The following NCAM2 variants were observed in gnomAD, a reference collection of about 807,000 sequenced individuals.
NCAM2 encodes N-CAM-2.
NCAM2 carries 30 observed loss-of-function variants against 98.1 expected under a neutral mutation model. The observed-to-expected ratio is 0.31, with a 90% CI of 0.23 to 0.41. The LOEUF (loss-of-function observed/expected upper bound fraction) is 0.41. Among genes scored for constraint, NCAM2 ranks in the 10% least tolerant of loss-of-function variants. NCAM2 has a pLI of 1.00. For synonymous variants in NCAM2, 368 were observed against 342.4 expected, an observed-to-expected ratio of 1.07 and a Z score of -0.83; for missense variants, 867 against 1,005.8, an observed-to-expected ratio of 0.86 and a Z score of 1.87.
At chr21:21,273,642 A>G (rs1568869014) in intron 1 of NCAM2, among the ~76,000 whole-genome samples, 1 of 152,172 alleles carries the variant, frequency 6.6e-6, no homozygotes, top group Non-Finnish European at 1.5e-5. Flanking sequence ...AGAATAAAAA[A>G]CAAAGAAAGA....
At chr21:21,120,727 T>TTG (rs2066655377) in intron 1 of NCAM2, among the ~76,000 whole-genome samples, 1 of 150,834 alleles carries the variant, frequency 6.6e-6, no homozygotes, top group South Asian at 2.1e-4. Flanking sequence ...GGGTTTTTTT[T>TTG]TTTTTTCTTT....
chr21:21,493,843 G>A (rs897451085), intron 15 of NCAM2, among the ~76,000 whole-genome samples: 4 of 151,814 alleles, frequency 2.6e-5, no homozygotes, highest in East Asian at 3.9e-4. Context: ...CTTTCAATTA[G>A]CAACATGCAT....
intron 8 of NCAM2, among the ~76,000 whole-genome samples, chr21:21,343,184 T>C (rs1432492206): frequency 6.6e-6 from 1 of 152,152 alleles, no homozygotes; most frequent in Non-Finnish European, 1.5e-5. Flanking sequence ...TTTGTTAAAA[T>C]ACATATATGT....
At chr21:21,524,547 TGGG>T (rs1989217662) in intron 16 of NCAM2, among the ~76,000 whole-genome samples, 1 of 145,334 alleles carries the variant, frequency 6.9e-6, no homozygotes, top group Middle Eastern at 3.6e-3. Context: ...AAAGGGGGTG[TGGG>T]GGGAGAATAC....
intron 1 of NCAM2, among the ~76,000 whole-genome samples, chr21:21,031,809 T>TACAC (rs67929765): frequency 4.1e-4 from 62 of 151,266 alleles, no homozygotes; most frequent in African/African-American, 1.3e-3. Flanking sequence ...CACACTCTTA[T>TACAC]ACACACACAC....
At chr21:21,261,348 A>G (rs924627410) in intron 1 of NCAM2, among the ~76,000 whole-genome samples, 2 of 152,178 alleles carry the variant, frequency 1.3e-5, no homozygotes, top group Non-Finnish European at 2.9e-5. Context: ...AAATGTACCT[A>G]ATAGATATCT....
chr21:21,337,856 C>G (rs2074916871), intron 7 of NCAM2, among the ~76,000 whole-genome samples: 1 of 151,778 alleles, frequency 6.6e-6, no homozygotes, highest in Non-Finnish European at 1.5e-5. Context: ...GTAAATGTTT[C>G]AAAATTTTAT....
intron 1 of NCAM2, among the ~76,000 whole-genome samples, chr21:21,057,771 C>T (rs1283323573): frequency 2.6e-5 from 4 of 152,062 alleles, no homozygotes; most frequent in Non-Finnish European, 4.4e-5. Context: ...CTAGCTAAAA[C>T]GGGATATCAT....
chr21:21,411,125 C>T (rs368883754), intron 10 of NCAM2, among the ~76,000 whole-genome samples: 351 of 24,076 alleles, frequency 0.015, 3 homozygotes, highest in African/African-American at 0.021. Flanking sequence ...TATATATATA[C>T]ACATATATAT....
intron 1 of NCAM2, among the ~76,000 whole-genome samples, chr21:21,262,208 G>C (rs1403153723): frequency 6.6e-6 from 1 of 152,102 alleles, no homozygotes; most frequent in Non-Finnish European, 1.5e-5. Context: ...ACTTGAATCA[G>C]TAATAAATAA....
intron 9 of NCAM2, among the ~76,000 whole-genome samples, chr21:21,396,444 A>T (rs2076508706): frequency 6.6e-6 from 1 of 152,176 alleles, no homozygotes; most frequent in Non-Finnish European, 1.5e-5. Context: ...GGATCTTTAC[A>T]GTGTCACTTT....
intron 5 of NCAM2, among the ~76,000 whole-genome samples, chr21:21,318,107 C>T (rs2074272090): frequency 6.6e-6 from 1 of 151,968 alleles, no homozygotes; most frequent in Non-Finnish European, 1.5e-5. Flanking sequence ...AAGGGGTGAC[C>T]CAAGAGAGTT....
chr21:21,192,274 G>A (rs750731125), intron 1 of NCAM2, among the ~76,000 whole-genome samples: 21 of 151,844 alleles, frequency 1.4e-4, no homozygotes, highest in Non-Finnish European at 3.1e-4. Context: ...GATGAGAGGA[G>A]AAGAAGCAAA....
At chr21:21,063,919 T>G (rs2065377662) in intron 1 of NCAM2, among the ~76,000 whole-genome samples, 1 of 152,210 alleles carries the variant, frequency 6.6e-6, no homozygotes, top group Non-Finnish European at 1.5e-5. Flanking sequence ...CATGTGATAT[T>G]TGCACACATA....
At chr21:21,510,168 T>G (rs186144087) in intron 16 of NCAM2, among the ~76,000 whole-genome samples, 154 of 152,274 alleles carry the variant, frequency 1.0e-3, no homozygotes, top group African/African-American at 3.6e-3. Context: ...TATCATTACA[T>G]ACAGTCTAAA....
At chr21:21,141,486 T>C (rs571568777) in intron 1 of NCAM2, among the ~76,000 whole-genome samples, 1 of 152,246 alleles carries the variant, frequency 6.6e-6, no homozygotes, top group African/African-American at 2.4e-5. Flanking sequence ...AAAGGCAGAA[T>C]AAATGTTGGA....
chr21:21,035,956 A>T (rs2064789093), intron 1 of NCAM2, among the ~76,000 whole-genome samples: 1 of 152,216 alleles, frequency 6.6e-6, no homozygotes, highest in Admixed American at 6.5e-5. Context: ...TAACCTATCC[A>T]TACAAATATA....
intron 14 of NCAM2, among the ~76,000 whole-genome samples, chr21:21,474,807 A>T (rs1044620614): frequency 6.6e-6 from 1 of 151,992 alleles, no homozygotes; most frequent in Non-Finnish European, 1.5e-5. Flanking sequence ...TATAACTTAT[A>T]AAAATACATG....
chr21:21,051,402 A>G (rs950357976), intron 1 of NCAM2, among the ~76,000 whole-genome samples: 1 of 152,224 alleles, frequency 6.6e-6, no homozygotes, highest in Non-Finnish European at 1.5e-5. Context: ...AAACCAGCTC[A>G]GTTTGTATCC....
Sources: allele counts gnomAD v4.1 joint callset (sites outside exome capture counted in the v4.1 genomes callset), GRCh38; gene constraint gnomAD v4.1.1; transcripts MANE v1.5; gene names NCBI Gene and HGNC (gene_info 2026-07-23, HGNC 2026-07-21).